Variants in SOX6 observed in about 807,000 individuals in gnomAD.
SOX6 encodes SRY-box transcription factor 6.
Under a neutral mutation model 97.8 loss-of-function variants are expected in SOX6, and 11 were observed. That is an observed-to-expected ratio of 0.11 (90% CI 0.07 to 0.19). The LOEUF is 0.19. Ranked by LOEUF, SOX6 falls within the 10% of genes least tolerant of loss-of-function variation. The pLI is 1.00. For synonymous variants in SOX6, 360 were observed against 371.4 expected (o/e 0.97, Z 0.35); for missense variants, 810 against 1,039.5 (o/e 0.78, Z 3.04).
intron 4 of SOX6, among the ~76,000 whole-genome samples, chr11:16,501,401 C>T (rs1661886717): frequency 6.6e-6 from 1 of 152,180 alleles, no homozygotes; most frequent in Non-Finnish European, 1.5e-5. Flanking sequence ...TAGGCATGGG[C>T]AAGAACTTCG....
At chr11:16,104,353 T>G (rs1182777123) in intron 7 of SOX6, among the ~76,000 whole-genome samples, 2 of 152,012 alleles carry the variant, frequency 1.3e-5, no homozygotes. Flanking sequence ...TTTTATTCAC[T>G]GAGAAAAGGT....
intron 3 of SOX6, among the ~76,000 whole-genome samples, chr11:16,685,431 A>G (rs1309233617): frequency 6.6e-6 from 1 of 152,244 alleles, no homozygotes; most frequent in African/African-American, 2.4e-5. Context: ...TTCTGTTCCA[A>G]AAGGGAGAAA....
Position 16,608,567 on chromosome 11 carries a change from G to C in SOX6, n.609+3514C>G, listed in dbSNP as rs537265898. Among the ~76,000 whole-genome samples the C allele has an allele frequency of 2.8e-4, 42 of 149,630 alleles. 1 individual carries two copies. The South Asian group carries it at 7.0e-3, about 25-fold the overall frequency. ...TAGGATCTCAGCAAATGGGGGAAGA[G>C]AAACATTTTAAACGATGGAGGAGGA... On this transcript the variant is annotated intron_variant and non_coding_transcript_variant, in intron 4 of 5. Coordinates refer to the SOX6 transcript ENST00000524520.
At chr11:16,692,056 C>CAT (rs1554900984) in intron 3 of SOX6, among the ~76,000 whole-genome samples, 2 of 144,290 alleles carry the variant, frequency 1.4e-5, no homozygotes, top group African/African-American at 2.6e-5. Flanking sequence ...TTTGCGTGTG[C>CAT]GTGTGTGTGT....
chr11:16,409,386 T>G (rs1435109020), intron 1 of SOX6, among the ~76,000 whole-genome samples: 3 of 151,988 alleles, frequency 2.0e-5, no homozygotes, highest in African/African-American at 7.3e-5. Context: ...TCCTCCCAGT[T>G]AACAGCTTTA....
intron 2 of SOX6, among the ~76,000 whole-genome samples, chr11:16,332,938 C>A (rs1184381348): frequency 6.6e-6 from 1 of 152,060 alleles, no homozygotes; most frequent in Non-Finnish European, 1.5e-5. Flanking sequence ...ATTTTAGTAT[C>A]AAGGTAATTA....
rs1246207681 is a variant in SOX6, at chr11:16,723,498, G to GA, written n.354-8594dup. On this transcript the variant is annotated intron_variant and non_coding_transcript_variant, in intron 2 of 5. Transcript: ENST00000524520. ...CCTAAAATGAAAGTTAAAAGAAAAA[G>GA]AAAAAAAAAACTGAGAAAAGTCCAT... Among the ~76,000 whole-genome samples, 292 of 147,220 alleles carry GA rather than the reference G, an allele frequency of 2.0e-3. 2 individuals are homozygous for GA. Among genetic ancestry groups the GA allele is most frequent in the African/African-American group, 7.0e-3 (282 of 40,256 alleles).
chr11:16,341,283 T>C, intron 1 of SOX6, 31 bp from the exon 2 acceptor site: 2 of 1,610,258 alleles, frequency 1.2e-6, no homozygotes, highest in South Asian at 1.1e-5. Context: ...GGATTAAAAA[T>C]GGCTGTCAAT....
intron 4 of SOX6, among the ~76,000 whole-genome samples, chr11:16,214,113 A>G (rs151208783): frequency 1.9e-4 from 29 of 152,334 alleles, no homozygotes; most frequent in Non-Finnish European, 3.5e-4. Context: ...AATGCAGCCA[A>G]TGTTACTGAG....
intron 3 of SOX6, among the ~76,000 whole-genome samples, chr11:16,693,063 C>T (rs1250607114): frequency 1.3e-5 from 2 of 152,108 alleles, no homozygotes; most frequent in Admixed American, 6.6e-5. Context: ...GATGGGTATA[C>T]TTGTACACAA....
chr11:16,563,982 T>C (rs1847842207), intron 4 of SOX6, among the ~76,000 whole-genome samples: 1 of 152,084 alleles, frequency 6.6e-6, no homozygotes, highest in African/African-American at 2.4e-5. Context: ...AAATGACTAG[T>C]CAACCCAAAA....
chr11:15,991,497 C>G (rs1456025468), intron 13 of SOX6, among the ~76,000 whole-genome samples: 1 of 152,200 alleles, frequency 6.6e-6, no homozygotes, highest in African/African-American at 2.4e-5. Context: ...TTACAACTGA[C>G]ATGGATTCAG....
chr11:16,413,268 G>A (rs1858858807), intron 1 of SOX6, among the ~76,000 whole-genome samples: 1 of 152,000 alleles, frequency 6.6e-6, no homozygotes, highest in Non-Finnish European at 1.5e-5. Context: ...GATAACTTTT[G>A]TCCCTTCTCT....
intron 1 of SOX6, among the ~76,000 whole-genome samples, chr11:16,373,347 G>T (rs147764828): frequency 1.3e-5 from 2 of 151,972 alleles, no homozygotes; most frequent in Admixed American, 6.6e-5. Flanking sequence ...CCAAGCAAAC[G>T]GGTCCTTCTT....
intron 1 of SOX6, among the ~76,000 whole-genome samples, chr11:16,470,347 A>G (rs1045300400): frequency 6.6e-6 from 1 of 152,214 alleles, no homozygotes; most frequent in African/African-American, 2.4e-5. Context: ...AGATATTCTC[A>G]CTGAGGGATC....
At chr11:16,541,906 C>T (rs548870465) in intron 4 of SOX6, among the ~76,000 whole-genome samples, 8 of 152,282 alleles carry the variant, frequency 5.3e-5, no homozygotes, top group South Asian at 2.1e-4. Flanking sequence ...GACAGTGTGA[C>T]GATTCCTCAA....
intron 4 of SOX6, among the ~76,000 whole-genome samples, chr11:16,606,436 A>G (rs971504193): frequency 3.0e-4 from 46 of 152,126 alleles, no homozygotes; most frequent in African/African-American, 1.1e-3. Flanking sequence ...GAACCTTCAA[A>G]GCCGACACGC....
At chr11:16,427,677 G>C (rs1279019428) in intron 1 of SOX6, among the ~76,000 whole-genome samples, 1 of 152,168 alleles carries the variant, frequency 6.6e-6, no homozygotes, top group Non-Finnish European at 1.5e-5. Context: ...TTTTATGGCT[G>C]CATAGTATTC....
At chr11:16,707,625 T>C (rs990241450) in intron 3 of SOX6, among the ~76,000 whole-genome samples, 1 of 152,202 alleles carries the variant, frequency 6.6e-6, no homozygotes, top group Non-Finnish European at 1.5e-5. Flanking sequence ...TTCACTTCTG[T>C]ATTCCAGGAC....
Sources: allele counts gnomAD v4.1 joint callset (sites outside exome capture counted in the v4.1 genomes callset), GRCh38; gene constraint gnomAD v4.1.1; transcripts MANE v1.5; gene names NCBI Gene and HGNC (gene_info 2026-07-23, HGNC 2026-07-21).